Variants in SETBP1 observed in about 807,000 individuals in gnomAD.
SETBP1 encodes SET binding protein 1.
SETBP1 carries 9 observed loss-of-function variants against 101.0 expected under a neutral mutation model. That is an observed-to-expected ratio of 0.09 (90% CI 0.05 to 0.16). SETBP1 has a LOEUF of 0.16. Ranked by LOEUF, SETBP1 falls within the 10% of genes least tolerant of loss-of-function variation. The probability of loss-of-function intolerance (pLI) is 1.00; values close to 1 mark genes in which losing one functional copy is unlikely to be tolerated. For synonymous variants in SETBP1, 818 were observed against 788.5 expected (o/e 1.04, Z -0.63); for missense variants, 1,858 against 2,033.8 (o/e 0.91, Z 1.66).
chr18:44,832,187 A>T (rs529917510), intron 2 of SETBP1, among the ~76,000 whole-genome samples: 11 of 152,182 alleles, frequency 7.2e-5, no homozygotes, highest in Non-Finnish European at 1.2e-4. Context: ...ATCATTTATA[A>T]ATTTGAAAAC....
chr18:44,743,400 A>G lies in SETBP1; in HGVS notation c.486+41568A>G, dbSNP rs139074775. ...TGGATTCAATTTACTATTGTTGGCC[A>G]GTAGAAGCAGTTGAGAATGAACTGA... is the stretch of plus-strand genomic sequence containing the variant. On this transcript the variant is annotated intron_variant, in intron 2 of 5. Transcript: ENST00000649279. Among the ~76,000 whole-genome samples, 427 of 152,340 alleles carry G rather than the reference A, an allele frequency of 2.8e-3. 4 individuals carry two copies. The highest frequency in any genetic ancestry group is 1.0e-2 in the African/African-American group (414 of 41,584).
At chr18:45,012,475 T>C (rs943326420) in intron 4 of SETBP1, among the ~76,000 whole-genome samples, 5 of 152,126 alleles carry the variant, frequency 3.3e-5, no homozygotes, top group South Asian at 2.1e-4. Context: ...ATAAAGGAAC[T>C]GGTTGGTAGA....
At chr18:44,872,518 T>A (rs2069301126) in intron 3 of SETBP1, among the ~76,000 whole-genome samples, 1 of 152,242 alleles carries the variant, frequency 6.6e-6, no homozygotes. Context: ...AGTACCATCA[T>A]TCATTTACTA....
chr18:44,948,520 G>GATAGATAGATAGATAT (rs2071263675), intron 3 of SETBP1, among the ~76,000 whole-genome samples: 1 of 152,082 alleles, frequency 6.6e-6, no homozygotes, highest in Non-Finnish European at 1.5e-5. Flanking sequence ...TAGATAGATA[G>GATAGATAGATAGATAT]ATAGATAGAT....
intron 4 of SETBP1, among the ~76,000 whole-genome samples, chr18:44,990,114 G>A (rs377546202): frequency 9.9e-4 from 150 of 151,820 alleles, no homozygotes; most frequent in Non-Finnish European, 5.2e-4. Context: ...TCTTTCAAAC[G>A]CAAGAATAAT....
chr18:44,848,041 A>G (rs1192443435), intron 2 of SETBP1, among the ~76,000 whole-genome samples: 1 of 151,450 alleles, frequency 6.6e-6, no homozygotes, highest in East Asian at 1.9e-4. Flanking sequence ...CTCACCCTAG[A>G]TAGGTTTAAT....
intron 2 of SETBP1, among the ~76,000 whole-genome samples, chr18:44,863,968 C>G (rs1176200086): frequency 4.6e-5 from 7 of 152,096 alleles, no homozygotes; most frequent in Non-Finnish European, 1.5e-5. Flanking sequence ...GTCAGTGTCC[C>G]CCTTCCCAGA....
chr18:44,753,634 TGAATGACCCA>T (rs2070434252), intron 2 of SETBP1, among the ~76,000 whole-genome samples: 2 of 152,200 alleles, frequency 1.3e-5, no homozygotes, highest in Admixed American at 1.3e-4. Flanking sequence ...GCCAAGACCA[TGAATGACCCA>T]GACAGAAATG....
intron 2 of SETBP1, among the ~76,000 whole-genome samples, chr18:44,849,234 G>C (rs150388012): frequency 6.6e-6 from 1 of 152,132 alleles, no homozygotes; most frequent in East Asian, 1.9e-4. Flanking sequence ...CCTTGTCCGT[G>C]TAATGATATG....
intron 4 of SETBP1, among the ~76,000 whole-genome samples, chr18:44,996,750 A>G (rs1033116296): frequency 4.7e-4 from 71 of 152,342 alleles, no homozygotes; most frequent in African/African-American, 1.4e-3. Context: ...ACATCAAGTC[A>G]GGCAGATCTT....
chr18:44,762,025 G>A (rs2144592117), intron 2 of SETBP1, among the ~76,000 whole-genome samples: 1 of 152,298 alleles, frequency 6.6e-6, no homozygotes, highest in Non-Finnish European at 1.5e-5. Flanking sequence ...TAAATGCACA[G>A]AGGGTGCTAT....
intron 1 of SETBP1, among the ~76,000 whole-genome samples, chr18:44,687,957 T>C (rs2068865091): frequency 6.6e-6 from 1 of 152,152 alleles, no homozygotes; most frequent in African/African-American, 2.4e-5. Context: ...TGAGATCAGA[T>C]ACGGTGACCC....
intron 2 of SETBP1, among the ~76,000 whole-genome samples, chr18:44,860,994 G>A (rs1212426284): frequency 6.6e-6 from 1 of 152,042 alleles, no homozygotes; most frequent in Non-Finnish European, 1.5e-5. Flanking sequence ...TTAAAATATG[G>A]ATTTGCCAAA....
intron 2 of SETBP1, among the ~76,000 whole-genome samples, chr18:44,839,705 A>G (rs562430523): frequency 6.6e-6 from 1 of 152,318 alleles, no homozygotes; most frequent in East Asian, 1.9e-4. Flanking sequence ...AGATAAGTGG[A>G]GGTCTGAGAT....
chr18:44,915,551 T>G (rs1021204668), intron 3 of SETBP1, among the ~76,000 whole-genome samples: 1 of 152,088 alleles, frequency 6.6e-6, no homozygotes, highest in Non-Finnish European at 1.5e-5. Context: ...AGCTAACAAC[T>G]AAGGACTCAA....
intron 4 of SETBP1, among the ~76,000 whole-genome samples, chr18:45,024,871 G>C (rs1214850500): frequency 6.6e-6 from 1 of 152,208 alleles, no homozygotes; most frequent in Non-Finnish European, 1.5e-5. Flanking sequence ...AGTTTCAGTA[G>C]GACTGACTCT....
At chr18:44,681,560 G>T in intron 1 of SETBP1, among the ~76,000 whole-genome samples, 1 of 31,704 alleles carries the variant, frequency 3.2e-5, no homozygotes, top group South Asian at 8.5e-4. Context: ...TATTCCCCCC[G>T]CCCCCCCATC....
chr18:44,918,747 T>G (rs577003349), intron 3 of SETBP1, among the ~76,000 whole-genome samples: 56 of 152,344 alleles, frequency 3.7e-4, no homozygotes, highest in Admixed American at 6.5e-4. Context: ...TAAAAACATT[T>G]GACTATATAA....
chr18:45,036,330 C>T (rs753151491), intron 4 of SETBP1, among the ~76,000 whole-genome samples: 2 of 129,836 alleles, frequency 1.5e-5, no homozygotes, highest in Non-Finnish European at 3.1e-5. Context: ...GAGACTCTGT[C>T]TCAAAAAAAA....
Sources: allele counts gnomAD v4.1 joint callset (sites outside exome capture counted in the v4.1 genomes callset), GRCh38; gene constraint gnomAD v4.1.1; transcripts MANE v1.5; gene names NCBI Gene and HGNC (gene_info 2026-07-23, HGNC 2026-07-21).